Variants in PIK3CA observed in about 807,000 individuals in gnomAD.
The protein encoded by PIK3CA is phosphatidylinositol 4,5-bisphosphate 3-kinase catalytic subunit alpha isoform.
In PIK3CA, 27 loss-of-function variants were observed where a neutral mutation model predicts 138.2. The ratio of observed to expected loss-of-function variants is 0.20; its 90% CI spans 0.14 to 0.27. PIK3CA has a LOEUF of 0.27. Ranked by LOEUF, PIK3CA falls within the 10% of genes least tolerant of loss-of-function variation. The pLI is 1.00. For missense variants in PIK3CA, 544 were observed against 1,277.4 expected (o/e 0.43, Z 8.75); for synonymous variants, 358 against 413.2 (o/e 0.87, Z 1.62).
chr3:179,159,652 A>G (rs1341809303), intron 1 of PIK3CA, among the ~76,000 whole-genome samples: 2 of 152,216 alleles, frequency 1.3e-5, no homozygotes, highest in African/African-American at 4.8e-5. Flanking sequence ...GTACCTACTC[A>G]GTCAAACATA....
chr3:179,151,272 C>T (rs1393315159), intron 1 of PIK3CA, among the ~76,000 whole-genome samples: 1 of 152,172 alleles, frequency 6.6e-6, no homozygotes, highest in Non-Finnish European at 1.5e-5. Flanking sequence ...AGTCAGTTGG[C>T]AGGTGACAGA....
At chr3:179,194,625 C>T (rs1724219026) in intron 1 of PIK3CA, among the ~76,000 whole-genome samples, 1 of 152,156 alleles carries the variant, frequency 6.6e-6, no homozygotes, top group Non-Finnish European at 1.5e-5. Flanking sequence ...GTCACATACT[C>T]CACCTGTTCC....
chr3:179,148,139 C>T (rs999868770), upstream of PIK3CA: 2 of 151,846 alleles, frequency 1.3e-5, no homozygotes, highest in Admixed American at 6.6e-5. Flanking sequence ...GGCTCTGCCC[C>T]TCCTCAGCTC....
chr3:179,161,977 G>A (rs776194256), intron 1 of PIK3CA, among the ~76,000 whole-genome samples: 28 of 152,018 alleles, frequency 1.8e-4, no homozygotes, highest in Non-Finnish European at 3.7e-4. Flanking sequence ...TAGACCCTGG[G>A]TATATAATGG....
rs531432299 is a variant in PIK3CA, at chr3:179,195,569, C to CA, written c.-76-3177dup. 2.7e-3 allele frequency among the ~76,000 whole-genome samples: 405 copies of CA among 152,090 alleles called. 9 individuals are homozygous for CA. Among genetic ancestry groups the CA allele is most frequent in the Non-Finnish European group, 6.6e-4 (45 of 67,962 alleles). ...CCATACAACTATAGACTAAGGGGGCCAAAATTTGAATCTAGTGTAGATTCA... is the reference window on the plus strand; with the variant it reads ...CCATACAACTATAGACTAAGGGGGCCAAAAATTTGAATCTAGTGTAGATTCA... On this transcript the variant is annotated intron_variant, in intron 1 of 20. Coordinates refer to ENST00000263967, the MANE Select transcript of PIK3CA (RefSeq NM_006218.4).
chr3:179,170,099 C>T (rs1419277207), intron 1 of PIK3CA, among the ~76,000 whole-genome samples: 2 of 151,678 alleles, frequency 1.3e-5, no homozygotes, highest in African/African-American at 2.4e-5. Flanking sequence ...CACACACACA[C>T]GACCTTAGTA....
intron 1 of PIK3CA, among the ~76,000 whole-genome samples, chr3:179,148,913 G>A (rs1722930936): frequency 1.3e-5 from 2 of 152,060 alleles, no homozygotes; most frequent in South Asian, 2.1e-4. Flanking sequence ...AGTGCGCCCA[G>A]GGCCGCCGCC....
chr3:179,216,385 C>CT (rs1481607727), intron 9 of PIK3CA, among the ~76,000 whole-genome samples: 2 of 151,556 alleles, frequency 1.3e-5, no homozygotes, highest in Non-Finnish European at 2.9e-5. Context: ...ATTATATGCA[C>CT]CAAAATTTTT....
chr3:179,219,698 A>C lies in PIK3CA; in HGVS notation c.1874A>C (p.Asp625Ala). 6.2e-7 allele frequency: 1 copy of C among 1,609,960 alleles called. No individual in the cohort carries two copies. The highest frequency in any genetic ancestry group is 1.3e-5 in the African/African-American group (1 of 74,926). The part of the protein sequence containing the change: ...AVRCLEKYLT[D>A]DKLSQYLIQL... Reference sequence around the variant, plus strand: ...CGGTGCTTGGAAAAATATTTAACAGATGACAAACTTTCTCAGTATTTAATT... The same window carrying C: ...CGGTGCTTGGAAAAATATTTAACAGCTGACAAACTTTCTCAGTATTTAATT... Residue 625 changes from aspartate to alanine, a missense_variant, in exon 12 of 21, where the codon GAT becomes GCT. This residue lies in a region of PIK3CA where 22 missense variants were observed against 30.5 expected (regional missense o/e 0.72). Coordinates refer to ENST00000263967, the MANE Select transcript of PIK3CA (RefSeq NM_006218.4). This position sits in a 1 kb window ranked among gnomAD's most constrained non-coding sequence, Gnocchi z 4.2.
intron 1 of PIK3CA, among the ~76,000 whole-genome samples, chr3:179,182,395 C>G (rs146531463): frequency 3.9e-5 from 6 of 152,106 alleles, no homozygotes; most frequent in Non-Finnish European, 8.8e-5. Context: ...TGGCTGGGTG[C>G]TATGACTCAT....
At chr3:179,188,461 T>C (rs1285211349) in intron 1 of PIK3CA, among the ~76,000 whole-genome samples, 1 of 152,228 alleles carries the variant, frequency 6.6e-6, no homozygotes, top group East Asian at 1.9e-4. Flanking sequence ...GTTAGTATAT[T>C]TTTTTCCATT....
rs17550640 is a variant in PIK3CA, at chr3:179,203,465, G to GTAAA, written c.814-77_814-76insAATA. 0.2 allele frequency: 269,983 copies of GTAAA among 1,340,088 alleles called. 30,417 individuals carry two copies. The highest frequency in any genetic ancestry group is 0.43 in the African/African-American group (29,146 of 68,270). The allele number at this position is 1,340,088 out of a possible 1,614,324, so 83.0% of individuals were successfully genotyped here. A position where few individuals can be genotyped will look rare whatever the true frequency, so the allele number is the denominator to read the frequency against. ...TTTTATCACCTTTGCAGATTAATAT[G>GTAAA]TAGTCATAATACTCTGACATGTTAC... On this transcript the variant is annotated intron_variant, in intron 4 of 20. Coordinates refer to ENST00000263967, the MANE Select transcript of PIK3CA (RefSeq NM_006218.4).
chr3:179,196,258 CATA>C (rs1724263246), intron 1 of PIK3CA, among the ~76,000 whole-genome samples: 1 of 152,192 alleles, frequency 6.6e-6, no homozygotes, highest in Non-Finnish European at 1.5e-5. Flanking sequence ...AGAGAAAAAT[CATA>C]AACACAGCTG....
Position 179,218,408 on chromosome 3 carries a change from AGCAT to A in PIK3CA, c.1664+76_1664+79del, listed in dbSNP as rs921069562. 1.3e-4 allele frequency: 162 copies of A among 1,293,552 alleles called. 1 individual carries two copies. In the African/African-American group the frequency reaches 2.2e-3, roughly 18 times the overall value. The allele number at this position is 1,293,552 out of a possible 1,614,324, so 80.1% of individuals were successfully genotyped here. ...AAAATAACTGAATTTGGCTGATCTC[AGCAT>A]GTTTTTACCATACCTATTGGAATAA... On this transcript the variant is annotated intron_variant, in intron 10 of 20. Coordinates refer to ENST00000263967, the MANE Select transcript of PIK3CA (RefSeq NM_006218.4).
intron 1 of PIK3CA, among the ~76,000 whole-genome samples, chr3:179,183,351 A>G (rs1423203487): frequency 1.3e-5 from 2 of 152,204 alleles, no homozygotes; most frequent in African/African-American, 4.8e-5. Context: ...CTTTCATCCA[A>G]TGTCGTAACA....
At chr3:179,185,406 T>G (rs1351948967) in intron 1 of PIK3CA, among the ~76,000 whole-genome samples, 1 of 152,212 alleles carries the variant, frequency 6.6e-6, no homozygotes, top group East Asian at 1.9e-4. Context: ...ACAGAAGACT[T>G]CTGTAACTGC....
chr3:179,205,166 A>G (rs1724527361), intron 6 of PIK3CA, among the ~76,000 whole-genome samples: 1 of 151,760 alleles, frequency 6.6e-6, no homozygotes, highest in African/African-American at 2.4e-5. Context: ...GTCAGCTATG[A>G]TCGTGCCACT....
chr3:179,168,498 C>A (rs1322992644), intron 1 of PIK3CA, among the ~76,000 whole-genome samples: 3 of 152,100 alleles, frequency 2.0e-5, no homozygotes, highest in Non-Finnish European at 4.4e-5. Context: ...CCCTTTTAAT[C>A]TAAACATGTA....
Position 179,237,156 on chromosome 3 carries a change from A to G in PIK3CA, c.*2792A>G. The G allele has an allele frequency of 5.1e-6, 1 of 196,010 alleles. No homozygotes were observed. The highest frequency in any genetic ancestry group is 1.1e-5 in the Non-Finnish European group (1 of 94,348). The allele number at this position is 196,010 out of a possible 1,614,324, so 12.1% of individuals were successfully genotyped here. ...CTATACAAAACCATTTATTTTGAAG[A>G]TTTTTAGACTACTGTTAATTTGAAA... On this transcript the variant is annotated 3_prime_UTR_variant, in exon 21 of 21. Transcript: ENST00000263967.
Sources: allele counts gnomAD v4.1 joint callset (sites outside exome capture counted in the v4.1 genomes callset), GRCh38; gene constraint gnomAD v4.1.1; regional missense constraint gnomAD v4.1.1; non-coding constraint Gnocchi (gnomAD v3.1); transcripts MANE v1.5; gene names NCBI Gene and HGNC (gene_info 2026-07-23, HGNC 2026-07-21).